The following RAPGEF2 variants were observed in gnomAD, a reference collection of about 807,000 sequenced individuals.
RAPGEF2 encodes PDZ domain containing guanine nucleotide exchange factor (GEF) 1.
In RAPGEF2, 54 loss-of-function variants were observed where a neutral mutation model predicts 186.7. The ratio of observed to expected loss-of-function variants is 0.29; its 90% CI spans 0.23 to 0.36. The LOEUF (loss-of-function observed/expected upper bound fraction) is 0.36. Ranked by LOEUF, RAPGEF2 falls within the 10% of genes least tolerant of loss-of-function variation. The pLI is 1.00. For synonymous variants in RAPGEF2, 712 were observed against 705.9 expected (o/e 1.01, Z -0.14); for missense variants, 1,532 against 2,045.0 (o/e 0.75, Z 4.84).
chr4:159,176,554 A>G (rs1286411207), intron 1 of RAPGEF2, among the ~76,000 whole-genome samples: 1 of 152,202 alleles, frequency 6.6e-6, no homozygotes, highest in Admixed American at 6.5e-5. Context: ...AATTACTTCA[A>G]TATAACAGGT....
intron 6 of RAPGEF2, among the ~76,000 whole-genome samples, chr4:159,242,092 C>G (rs1754081850): frequency 6.6e-6 from 1 of 151,786 alleles, no homozygotes; most frequent in Admixed American, 6.6e-5. Context: ...TTGAGGAAAC[C>G]AAGACATAGA....
chr4:159,307,864 G>A (rs1392967804), intron 8 of RAPGEF2, among the ~76,000 whole-genome samples: 2 of 152,042 alleles, frequency 1.3e-5, no homozygotes, highest in Non-Finnish European at 2.9e-5. Context: ...CCAGCTACTC[G>A]GGAGGCTGAG....
At chr4:159,152,956 T>C (rs1192322780) in intron 1 of RAPGEF2, among the ~76,000 whole-genome samples, 2 of 152,148 alleles carry the variant, frequency 1.3e-5, no homozygotes, top group African/African-American at 2.4e-5. Context: ...GCTGAAATGG[T>C]CTTCTATTTT....
rs370474899 is a variant in RAPGEF2, at chr4:159,342,485, CTCTG to C, written c.2919-489_2919-486del. Reference sequence around the variant, plus strand: ...GGGTGATTATTAAATTAGTCATTTTCTCTGTCTGGGAGTTTAGTCATACTCTCAT... The same window carrying C: ...GGGTGATTATTAAATTAGTCATTTTCTCTGGGAGTTTAGTCATACTCTCAT... On this transcript the variant is annotated intron_variant, in intron 20 of 29. Coordinates refer to ENST00000691494, the MANE Select transcript of RAPGEF2 (RefSeq NM_001394067.2). 3.7e-4 allele frequency among the ~76,000 whole-genome samples: 56 copies of C among 150,534 alleles called. 1 individual carries two copies. The highest frequency in any genetic ancestry group is 5.3e-4 in the African/African-American group (22 of 41,150).
chr4:159,266,579 A>T (rs7699824), intron 7 of RAPGEF2, among the ~76,000 whole-genome samples: 45,839 of 149,382 alleles, frequency 0.31, 7,766 homozygotes, highest in Non-Finnish European at 0.39. Flanking sequence ...TTGGTTTTTT[A>T]AAAAAAAAAC....
Position 159,330,293 on chromosome 4 carries a change from GTGTATA to G in RAPGEF2, c.1303-39_1303-34del, listed in dbSNP as rs755112355. ...TGTGTGTGTGTGTGTGTGTGTGTGT[GTGTATA>G]TATATGTAGTAATTAAACCTTTTCT... On this transcript the variant is annotated intron_variant, in intron 12 of 29. Transcript: ENST00000691494. The G allele has an allele frequency of 1.1e-4, 113 of 1,016,606 alleles. 5 individuals are homozygous for G. Among genetic ancestry groups the G allele is most frequent in the African/African-American group, 3.8e-4 (23 of 61,080 alleles). The allele number at this position is 1,016,606 out of a possible 1,614,324, so 63.0% of individuals were successfully genotyped here.
At chr4:159,272,394 C>T (rs1561185874) in intron 7 of RAPGEF2, among the ~76,000 whole-genome samples, 1 of 152,178 alleles carries the variant, frequency 6.6e-6, no homozygotes, top group Non-Finnish European at 1.5e-5. Context: ...TGATTATAAA[C>T]ACTTCAGGCT....
At chr4:159,118,671 C>T (rs187921736) in intron 1 of RAPGEF2, among the ~76,000 whole-genome samples, 175 of 152,142 alleles carry the variant, frequency 1.2e-3, no homozygotes, top group African/African-American at 3.8e-3. Context: ...CCGCAACCTC[C>T]GCCTCCCGGG....
intron 3 of RAPGEF2, among the ~76,000 whole-genome samples, chr4:159,198,063 A>G (rs1748857132): frequency 6.6e-6 from 1 of 152,062 alleles, no homozygotes. Context: ...ATATCCAATT[A>G]TTACACTATT....
intron 1 of RAPGEF2, among the ~76,000 whole-genome samples, chr4:159,169,950 TC>T (rs904268589): frequency 1.8e-4 from 28 of 152,258 alleles, no homozygotes; most frequent in African/African-American, 6.7e-4. Flanking sequence ...GACCGCTTGA[TC>T]ATATGGTAGT....
chr4:159,354,664 A>G (rs1731695701), intron 28 of RAPGEF2, among the ~76,000 whole-genome samples: 1 of 152,226 alleles, frequency 6.6e-6, no homozygotes, highest in East Asian at 1.9e-4. Flanking sequence ...AATACAAAAC[A>G]GTGCCTGTTT....
chr4:159,315,675 G>T (rs542048428), intron 9 of RAPGEF2, among the ~76,000 whole-genome samples: 1 of 152,204 alleles, frequency 6.6e-6, no homozygotes, highest in Admixed American at 6.5e-5. Context: ...CTTGGGTCAC[G>T]TGTCCACTGG....
At chr4:159,215,458 A>G (rs531847683) in intron 4 of RAPGEF2, among the ~76,000 whole-genome samples, 13 of 152,276 alleles carry the variant, frequency 8.5e-5, no homozygotes, top group South Asian at 6.2e-4. Context: ...GATTACAGGC[A>G]TGAGCCACTG....
At chr4:159,285,303 G>A (rs905158582) in intron 7 of RAPGEF2, among the ~76,000 whole-genome samples, 5 of 151,878 alleles carry the variant, frequency 3.3e-5, no homozygotes, top group African/African-American at 9.7e-5. Flanking sequence ...TGATTTATTT[G>A]GTGTGTTTTG....
chr4:159,248,890 T>A (rs1754968178), intron 7 of RAPGEF2, among the ~76,000 whole-genome samples: 1 of 152,234 alleles, frequency 6.6e-6, no homozygotes. Context: ...TATTTTTATA[T>A]ATTACATCAT....
At chr4:159,202,973 A>G (rs1449744946) in intron 3 of RAPGEF2, among the ~76,000 whole-genome samples, 1 of 152,236 alleles carries the variant, frequency 6.6e-6, no homozygotes, top group East Asian at 1.9e-4. Flanking sequence ...TGAATGAAGT[A>G]GCATTTTCAC....
At chr4:159,343,236 G>C (rs758879439) in intron 21 of RAPGEF2, 45 bp from the exon 22 acceptor site, 4 of 1,613,886 alleles carry the variant, frequency 2.5e-6, no homozygotes, top group Non-Finnish European at 2.5e-6. Flanking sequence ...AAGAAGCACA[G>C]AATAAATGCC....
At chr4:159,332,798 C>T (rs1405873017) in intron 17 of RAPGEF2, 101 bp downstream of exon 17, 3 of 1,376,010 alleles carry the variant, frequency 2.2e-6, no homozygotes, top group African/African-American at 1.5e-5. Context: ...GAAAACTGTT[C>T]TAGGTTTTTA....
At position 159,355,878 on chromosome 4, in the gene RAPGEF2, G is replaced by GCCCCGC; in HGVS notation, c.4681_4682insGCCCCC (p.Pro1560_Pro1561insArgPro). The GCCCCGC allele has an allele frequency of 1.3e-6, 2 of 1,515,854 alleles. No homozygotes were observed. The highest frequency in any genetic ancestry group is 8.9e-7 in the Non-Finnish European group (1 of 1,117,992). The allele number at this position is 1,515,854 out of a possible 1,614,324, so 93.9% of individuals were successfully genotyped here. A position where few individuals can be genotyped will look rare whatever the true frequency, so the allele number is the denominator to read the frequency against. ...CACGAAAGGAGGGCAGGTATCGAGA[G>GCCCCGC]CCCCCGCCCACCCCTCCCGGCTACA... On this transcript the variant is annotated inframe_insertion, in exon 29 of 30. Transcript: ENST00000691494.
Sources: gnomAD v4.1 joint callset for allele counts (sites outside exome capture counted in the v4.1 genomes callset) on GRCh38, gnomAD v4.1.1 for gene constraint, MANE v1.5 for transcripts, NCBI Gene and HGNC (gene_info 2026-07-23, HGNC 2026-07-21) for gene names.